SACM1L: variants seen among roughly 807,000 people sequenced by gnomAD.
The protein encoded by SACM1L is SAC1 like phosphatidylinositide phosphatase, also known as phosphatidylinositol-3-phosphatase SAC1.
SACM1L carries 32 observed loss-of-function variants against 89.5 expected under a neutral mutation model. The observed-to-expected ratio is 0.36, with a 90% confidence interval of 0.27 to 0.48. The LOEUF is 0.48. Among genes scored for constraint, SACM1L ranks in the 20% least tolerant of loss-of-function variants. SACM1L has a pLI of 0.99. For missense variants in SACM1L, 543 were observed against 708.5 expected (o/e 0.77, Z 2.65); for synonymous variants, 213 against 232.8 (o/e 0.92, Z 0.77).
intron 11 of SACM1L, 29 bp downstream of exon 11, chr3:45,723,572 A>C (rs752843589): frequency 3.5e-5 from 44 of 1,251,068 alleles, no homozygotes; most frequent in Non-Finnish European, 4.7e-5. Context: ...TTGGGGGGAA[A>C]AAAAAGCCTT....
rs1698783077 is a variant in SACM1L, at chr3:45,721,338, A to G, written c.680-662A>G. On this transcript the variant is annotated intron_variant, in intron 8 of 19. Coordinates refer to ENST00000389061, the MANE Select transcript of SACM1L (RefSeq NM_014016.5). ...GGAGTTTGAGACCAGCCTGACCAAC[A>G]TGGAGAAACCCCATCTCTACTAAAA... 2.0e-5 allele frequency among the ~76,000 whole-genome samples: 3 copies of G among 152,246 alleles called. No individual in the cohort carries two copies. The South Asian group carries it at 6.2e-4, about 31-fold the overall frequency.
At chr3:45,732,942 C>T (rs1305438435) in intron 13 of SACM1L, among the ~76,000 whole-genome samples, 3 of 152,156 alleles carry the variant, frequency 2.0e-5, no homozygotes, top group African/African-American at 4.8e-5. Context: ...GCTCAGTTTT[C>T]AAAAATATCT....
At chr3:45,712,842 T>C (rs985366022) in intron 5 of SACM1L, among the ~76,000 whole-genome samples, 1 of 152,098 alleles carries the variant, frequency 6.6e-6, no homozygotes, top group African/African-American at 2.4e-5. Flanking sequence ...TTGGTAAAGA[T>C]AGTGGGAGTA....
At chr3:45,740,053 G>C in intron 19 of SACM1L, 1 of 182,840 alleles carries the variant, frequency 5.5e-6, no homozygotes. Flanking sequence ...GTGTACAGGA[G>C]AGGAAGGAGG....
chr3:45,708,343 A>C (rs1281249431), intron 4 of SACM1L, among the ~76,000 whole-genome samples: 2 of 152,078 alleles, frequency 1.3e-5, no homozygotes, highest in Non-Finnish European at 2.9e-5. Context: ...TTGTTTAGAG[A>C]TATATATACC....
intron 14 of SACM1L, among the ~76,000 whole-genome samples, chr3:45,736,934 A>G (rs973973885): frequency 2.0e-5 from 3 of 151,932 alleles, no homozygotes; most frequent in African/African-American, 7.3e-5. Context: ...ACTCCTTCTG[A>G]GGTGGAGATG....
At chr3:45,743,323 A>G (rs1213304322) in intron 19 of SACM1L, among the ~76,000 whole-genome samples, 1 of 152,216 alleles carries the variant, frequency 6.6e-6, no homozygotes, top group African/African-American at 2.4e-5. Context: ...CTGGGGCCCA[A>G]CAGTTGATGC....
At chr3:45,699,595 T>G (rs1447693592) in intron 1 of SACM1L, among the ~76,000 whole-genome samples, 3 of 152,232 alleles carry the variant, frequency 2.0e-5, no homozygotes. Flanking sequence ...TGGCATGATC[T>G]TGGCTCACTG....
At chr3:45,741,844 A>G (rs1270608523) in intron 19 of SACM1L, among the ~76,000 whole-genome samples, 1 of 152,216 alleles carries the variant, frequency 6.6e-6, no homozygotes, top group Non-Finnish European at 1.5e-5. Flanking sequence ...CTTACCTTAC[A>G]ATACAAAAAC....
At chr3:45,703,391 T>C in intron 1 of SACM1L, 47 bp from the exon 2 acceptor site, 1 of 1,274,214 alleles carries the variant, frequency 7.8e-7, no homozygotes, top group Non-Finnish European at 1.1e-6. Flanking sequence ...TTTTTAGAAG[T>C]CTTCATTTCA....
At chr3:45,692,264 G>C (rs975537325) in intron 1 of SACM1L, among the ~76,000 whole-genome samples, 1 of 151,796 alleles carries the variant, frequency 6.6e-6, no homozygotes, top group African/African-American at 2.4e-5. Context: ...GTTTCAGTCT[G>C]TAAAATGGGA....
intron 7 of SACM1L, among the ~76,000 whole-genome samples, chr3:45,715,591 T>C (rs1379916942): frequency 6.6e-6 from 1 of 152,124 alleles, no homozygotes; most frequent in Non-Finnish European, 1.5e-5. Context: ...CTGGACAACA[T>C]GGTGAAACCC....
intron 8 of SACM1L, among the ~76,000 whole-genome samples, chr3:45,720,951 T>A (rs1400540434): frequency 6.6e-6 from 1 of 152,266 alleles, no homozygotes; most frequent in African/African-American, 2.4e-5. Flanking sequence ...TTTGGTAATT[T>A]GGGTCAGGGA....
chr3:45,735,389 T>A lies in SACM1L; in HGVS notation c.1239+16T>A. The A allele has an allele frequency of 2.0e-6, 3 of 1,485,482 alleles. No homozygotes were observed. Among genetic ancestry groups the A allele is most frequent in the Non-Finnish European group, 2.7e-6 (3 of 1,116,496 alleles). The allele number at this position is 1,485,482 out of a possible 1,614,324, so 92.0% of individuals were successfully genotyped here. On this transcript the variant is annotated intron_variant, in intron 14 of 19. Transcript: ENST00000389061. ...CCAACTTCAGGTGCGAATGCTTTTTTTTTTTTTAATTGAAAAACAACACAG... is the reference window on the plus strand; with the variant it reads ...CCAACTTCAGGTGCGAATGCTTTTTATTTTTTTAATTGAAAAACAACACAG...
chr3:45,732,058 T>C lies in SACM1L; in HGVS notation c.1007T>C (p.Ile336Thr). The change falls in exon 13 of 20, where the codon ATT (isoleucine) becomes ACT (threonine). Residue 336 changes from isoleucine to threonine, a missense_variant. Coordinates refer to ENST00000389061, the MANE Select transcript of SACM1L (RefSeq NM_014016.5). The stretch of plus-strand genomic sequence containing the variant: ...AATATCTTTTCTTTTGGTAGATACA[T>C]TGCCTTTGACTTCCATAAGGAATGT... ...SSLGSGMMRYIAFDFHKECKN... is the reference protein window; with the variant it reads ...SSLGSGMMRYTAFDFHKECKN... The C allele has an allele frequency of 5.1e-6, 8 of 1,574,620 alleles. No homozygotes were observed. Among genetic ancestry groups the C allele is most frequent in the Non-Finnish European group, 6.9e-6 (8 of 1,158,924 alleles).
chr3:45,744,514 C>T lies in SACM1L; in HGVS notation c.*845C>T, dbSNP rs373072063. The T allele has an allele frequency of 2.6e-5, 4 of 152,568 alleles. No homozygotes were observed. Among genetic ancestry groups the T allele is most frequent in the South Asian group, 2.1e-4 (1 of 4,814 alleles). 9.5% of individuals were successfully genotyped at this position (152,568 alleles called of 1,614,324 possible). A position where few individuals can be genotyped will look rare whatever the true frequency, so the allele number is the denominator to read the frequency against. On this transcript the variant is annotated 3_prime_UTR_variant, in exon 20 of 20. Transcript: ENST00000389061. ...TCTTTGAGGGTCACTCATTGAGACA[C>T]GCAGGCCTCTGAGAGGGTCTTGTTC...
chr3:45,697,070 C>G (rs1698144844), intron 1 of SACM1L, among the ~76,000 whole-genome samples: 1 of 151,950 alleles, frequency 6.6e-6, no homozygotes, highest in South Asian at 2.1e-4. Flanking sequence ...AAAGTAAGGT[C>G]TCAAAGAGGG....
At position 45,703,419 on chromosome 3, in the gene SACM1L, G is replaced by A. The variant is rs763094491; in HGVS notation, c.33-19G>A. ...TCATTTCATTTGGTTAGTTATTTAT[G>A]TTTTACATTTCTTCTTAGGCATATC... On this transcript the variant is annotated intron_variant, in intron 1 of 19. Coordinates refer to ENST00000389061, the MANE Select transcript of SACM1L (RefSeq NM_014016.5). The A allele has an allele frequency of 1.3e-6, 2 of 1,539,066 alleles. No homozygotes were observed.
intron 4 of SACM1L, among the ~76,000 whole-genome samples, chr3:45,708,249 G>C (rs903786008): frequency 5.3e-5 from 8 of 152,088 alleles, no homozygotes; most frequent in African/African-American, 1.9e-4. Flanking sequence ...AACAGGATCT[G>C]TTTTTGCTCG....
Sources: gnomAD v4.1 joint callset for allele counts (sites outside exome capture counted in the v4.1 genomes callset) on GRCh38, gnomAD v4.1.1 for gene constraint, MANE v1.5 for transcripts, NCBI Gene and HGNC (gene_info 2026-07-23, HGNC 2026-07-21) for gene names.